DSCAM: variants seen among roughly 807,000 people sequenced by gnomAD.
DSCAM encodes DS cell adhesion molecule.
DSCAM carries 47 observed loss-of-function variants against 217.7 expected under a neutral mutation model. That is an observed-to-expected ratio of 0.22 (90% confidence interval 0.17 to 0.28). DSCAM has a LOEUF of 0.28. DSCAM is among the 10% of genes least tolerant of loss of function. The probability of loss-of-function intolerance (pLI) is 1.00; values close to 1 mark genes in which losing one functional copy is unlikely to be tolerated. For missense variants in DSCAM, 2,080 were observed against 2,618.3 expected (o/e 0.79, Z 4.49); for synonymous variants, 1,056 against 1,015.3 (o/e 1.04, Z -0.76).
intron 11 of DSCAM, among the ~76,000 whole-genome samples, chr21:40,204,053 CA>C (rs1345505518): frequency 6.6e-6 from 1 of 151,974 alleles, no homozygotes; most frequent in African/African-American, 2.4e-5. Flanking sequence ...AAAAGGAAAA[CA>C]GGGGTGTTTT....
intron 10 of DSCAM, among the ~76,000 whole-genome samples, chr21:40,277,267 AG>A (rs2073699483): frequency 6.6e-6 from 1 of 152,278 alleles, no homozygotes; most frequent in South Asian, 2.1e-4. Context: ...TCCTGGCCCA[AG>A]AACCTACACG....
intron 3 of DSCAM, among the ~76,000 whole-genome samples, chr21:40,680,548 C>T (rs2090389577): frequency 8.4e-6 from 1 of 119,308 alleles, no homozygotes; most frequent in Middle Eastern, 3.9e-3. Context: ...CACACAGGAT[C>T]TGTGTATTTT....
chr21:40,708,583 T>A lies in DSCAM; in HGVS notation c.232A>T (p.Asn78Tyr). ...DVPGIRHVHP[N>Y]GTLQIFPFPP... ...AAGGGGAAAATTTGGAGAGTGCCGT[T>A]GGGGTGGACGTGGCGGATCCCGGGG... Residue 78 changes from asparagine (N) to tyrosine (Y), a missense_variant, in exon 2 of 33, where the codon AAC (asparagine) becomes TAC (tyrosine). This residue lies in a region of DSCAM where 568 missense variants were observed against 678.1 expected (regional missense o/e 0.84). Coordinates refer to ENST00000400454, the MANE Select transcript of DSCAM (RefSeq NM_001389.5). The A allele has an allele frequency of 6.2e-7, 1 of 1,610,392 alleles. No homozygotes were observed. Among genetic ancestry groups the A allele is most frequent in the Non-Finnish European group, 8.5e-7 (1 of 1,178,112 alleles).
chr21:40,335,212 C>T (rs2074417758), intron 8 of DSCAM, among the ~76,000 whole-genome samples: 1 of 152,154 alleles, frequency 6.6e-6, no homozygotes, highest in Admixed American at 6.5e-5. Context: ...CAAATCCCAA[C>T]AACTGCCATT....
intron 1 of DSCAM, among the ~76,000 whole-genome samples, chr21:40,709,515 G>A (rs533720000): frequency 2.0e-5 from 3 of 152,122 alleles, no homozygotes; most frequent in South Asian, 4.2e-4. Flanking sequence ...ACAGGCCCCG[G>A]TGTGTGATGT....
chr21:40,471,902 T>C (rs2075891880), intron 3 of DSCAM, among the ~76,000 whole-genome samples: 2 of 152,216 alleles, frequency 1.3e-5, no homozygotes, highest in African/African-American at 4.8e-5. Flanking sequence ...CGTTAACTCG[T>C]CATTTACATT....
At chr21:40,234,910 C>A (rs1050178505) in intron 11 of DSCAM, among the ~76,000 whole-genome samples, 1 of 152,076 alleles carries the variant, frequency 6.6e-6, no homozygotes, top group South Asian at 2.1e-4. Flanking sequence ...TCCAGATCTT[C>A]GTAAGCATAT....
chr21:40,298,262 T>G (rs1262086066), intron 9 of DSCAM, among the ~76,000 whole-genome samples: 1 of 151,950 alleles, frequency 6.6e-6, no homozygotes, highest in African/African-American at 2.4e-5. Flanking sequence ...TTTGTATTTT[T>G]AATAGAGATG....
At chr21:40,540,414 GT>G in intron 3 of DSCAM, among the ~76,000 whole-genome samples, 1 of 152,092 alleles carries the variant, frequency 6.6e-6, no homozygotes, top group Non-Finnish European at 1.5e-5. Flanking sequence ...CTCTGTCGAT[GT>G]TAATTACCCA....
chr21:40,687,681 T>C (rs2090495537), intron 3 of DSCAM, among the ~76,000 whole-genome samples: 2 of 152,210 alleles, frequency 1.3e-5, no homozygotes, highest in African/African-American at 2.4e-5. Context: ...CTCTCTAAAA[T>C]GCAAAGGTTT....
intron 3 of DSCAM, among the ~76,000 whole-genome samples, chr21:40,563,772 TTATA>T (rs59999408): frequency 6.8e-5 from 10 of 146,740 alleles, no homozygotes; most frequent in East Asian, 4.0e-4. Flanking sequence ...GTTTGTATGT[TTATA>T]TATATGTTTA....
At chr21:40,072,135 G>A (rs2089300144) in intron 27 of DSCAM, among the ~76,000 whole-genome samples, 1 of 152,012 alleles carries the variant, frequency 6.6e-6, no homozygotes, top group African/African-American at 2.4e-5. Context: ...CTCTCTCTAG[G>A]ACCTGGCTAA....
intron 1 of DSCAM, among the ~76,000 whole-genome samples, chr21:40,725,119 T>C (rs900059317): frequency 6.6e-6 from 1 of 152,254 alleles, no homozygotes; most frequent in Non-Finnish European, 1.5e-5. Context: ...ACTGGCTCAC[T>C]GGCTTCCTCT....
At chr21:40,656,512 T>C (rs1254954898) in intron 3 of DSCAM, among the ~76,000 whole-genome samples, 1 of 145,792 alleles carries the variant, frequency 6.9e-6, no homozygotes, top group Non-Finnish European at 1.5e-5. Context: ...CACTAGAAGA[T>C]GCTTCAATAG....
At chr21:40,107,345 G>A (rs565192869) in intron 20 of DSCAM, among the ~76,000 whole-genome samples, 6 of 152,036 alleles carry the variant, frequency 3.9e-5, no homozygotes, top group South Asian at 2.1e-4. Flanking sequence ...AGACTGTTAC[G>A]ACTTCAGTTC....
At chr21:40,617,376 G>A (rs545091804) in intron 3 of DSCAM, among the ~76,000 whole-genome samples, 76 of 151,948 alleles carry the variant, frequency 5.0e-4, no homozygotes, top group Non-Finnish European at 9.7e-4. Context: ...CACCCGCCTC[G>A]GCCTCCCGAA....
At chr21:40,259,661 CTTTTTTTTTTTTTTTT>C (rs542106779) in intron 11 of DSCAM, among the ~76,000 whole-genome samples, 5,676 of 59,774 alleles carry the variant, frequency 0.095, 505 homozygotes, top group African/African-American at 0.25. Context: ...GTCAGCCATT[CTTTTTTTTTTTTTTTT>C]TTTTTTTTTT....
At chr21:40,594,409 C>T (rs1235983966) in intron 3 of DSCAM, among the ~76,000 whole-genome samples, 1 of 152,180 alleles carries the variant, frequency 6.6e-6, no homozygotes, top group African/African-American at 2.4e-5. Context: ...GGCAGTAATC[C>T]TGGCCTGTCG....
chr21:40,281,384 T>G lies in DSCAM; in HGVS notation c.2183-5114A>C, dbSNP rs372655868. ...TAATAATTTTAAGATTATATGGCTG[T>G]CTGTCTTTCCCATTCCACAAGAATA... On this transcript the variant is annotated intron_variant, in intron 10 of 32. Transcript: ENST00000400454. Among the ~76,000 whole-genome samples, 64 of 152,278 alleles carry G rather than the reference T, an allele frequency of 4.2e-4. 1 individual carries two copies. In the South Asian group the frequency reaches 8.9e-3, roughly 21 times the overall value.
Sources: gnomAD v4.1 joint callset for allele counts (sites outside exome capture counted in the v4.1 genomes callset) on GRCh38, gnomAD v4.1.1 for gene constraint, gnomAD v4.1.1 regional missense constraint, MANE v1.5 for transcripts, NCBI Gene and HGNC (gene_info 2026-07-23, HGNC 2026-07-21) for gene names.